Variants in DIP2C observed in about 807,000 individuals in gnomAD.
The protein encoded by DIP2C is DIP2 acetate--CoA ligase C (putative).
Under a neutral mutation model 192.4 loss-of-function variants are expected in DIP2C, and 33 were observed. The ratio of observed to expected loss-of-function variants is 0.17; its 90% confidence interval spans 0.13 to 0.23. DIP2C has a LOEUF of 0.23. Ranked by LOEUF, DIP2C falls within the 10% of genes least tolerant of loss-of-function variation. The pLI is 1.00. For synonymous variants in DIP2C, 979 were observed against 864.1 expected, an observed-to-expected ratio of 1.13 and a Z score of -2.33; for missense variants, 1,537 against 2,110.1, an observed-to-expected ratio of 0.73 and a Z score of 5.32.
intron 1 of DIP2C, among the ~76,000 whole-genome samples, chr10:535,068 C>A (rs1847622920): frequency 6.6e-6 from 1 of 152,186 alleles, no homozygotes; most frequent in Non-Finnish European, 1.5e-5. Flanking sequence ...CAGGAACTGA[C>A]CCCTCTCTCC....
chr10:284,142 G>C (rs1220676011), intron 34 of DIP2C, among the ~76,000 whole-genome samples: 1 of 152,198 alleles, frequency 6.6e-6, no homozygotes, highest in Non-Finnish European at 1.5e-5. Flanking sequence ...GTAGACTCTG[G>C]AGTGTTTGCT....
At chr10:578,518 C>G (rs1850330320) in intron 1 of DIP2C, among the ~76,000 whole-genome samples, 1 of 152,222 alleles carries the variant, frequency 6.6e-6, no homozygotes, top group African/African-American at 2.4e-5. Context: ...ATGTCAGGAA[C>G]ACACACATCA....
intron 34 of DIP2C, among the ~76,000 whole-genome samples, chr10:285,175 A>C (rs1955040053): frequency 6.8e-6 from 1 of 148,110 alleles, no homozygotes; most frequent in African/African-American, 2.5e-5. Flanking sequence ...AAAAAAACAC[A>C]AGGCCCAAGA....
At chr10:621,773 T>G (rs1397767031) in intron 1 of DIP2C, among the ~76,000 whole-genome samples, 1 of 152,130 alleles carries the variant, frequency 6.6e-6, no homozygotes, top group Non-Finnish European at 1.5e-5. Context: ...CATGCCAAGG[T>G]GCTGAGCACG....
In DIP2C at chr10:327,019, G is replaced by A. The variant is rs1194987676; in HGVS notation, c.3911C>T (p.Ala1304Val). 7 of 1,612,826 alleles carry A rather than the reference G, an allele frequency of 4.3e-6. No homozygotes were observed. The highest frequency in any genetic ancestry group is 2.2e-5 in the East Asian group (1 of 44,888). ...STSFGCRVNL[A>V]ICLQGTSGPD... ...GCCGAATCTCACCTGCAAGCAAATCGCCAGGTTCACCCTGCAACCGAACGA... is the reference window on the plus strand; with the variant it reads ...GCCGAATCTCACCTGCAAGCAAATCACCAGGTTCACCCTGCAACCGAACGA... The change falls in exon 31 of 37, where the codon GCG (alanine) becomes GTG (valine). Residue 1304 changes from alanine to valine, a missense_variant. Physicochemically the swap from Ala to Val is moderately conservative, Grantham distance 64 (BLOSUM62 0). Around this residue, in one of 4 missense-constraint regions of DIP2C, gnomAD observed 341 missense variants for 551.7 expected, o/e 0.62. Transcript: ENST00000280886.
At chr10:373,560 A>G (rs1464888456) in intron 17 of DIP2C, among the ~76,000 whole-genome samples, 1 of 152,138 alleles carries the variant, frequency 6.6e-6, no homozygotes, top group East Asian at 1.9e-4. Flanking sequence ...TCCACGGTCT[A>G]AAACCCCTTG....
intron 14 of DIP2C, among the ~76,000 whole-genome samples, chr10:386,780 G>A (rs888639657): frequency 6.6e-6 from 1 of 152,180 alleles, no homozygotes; most frequent in Non-Finnish European, 1.5e-5. Flanking sequence ...CCTCCAAAAG[G>A]TAAGAAGCTT....
At chr10:617,921 T>C (rs1159800695) in intron 1 of DIP2C, among the ~76,000 whole-genome samples, 1 of 123,404 alleles carries the variant, frequency 8.1e-6, no homozygotes, top group African/African-American at 3.6e-5. Context: ...AAATCCACTT[T>C]GACTTCCCTG....
rs980519521 is a variant in DIP2C, at chr10:666,158, T to C, written c.85+23336A>G. 1.3e-5 allele frequency: 2 copies of C among 152,166 alleles called. No homozygotes were observed. Among genetic ancestry groups the C allele is most frequent in the African/African-American group, 4.8e-5 (2 of 41,426 alleles). 9.4% of individuals were successfully genotyped at this position (152,166 alleles called of 1,614,324 possible). A position where few individuals can be genotyped will look rare whatever the true frequency, so the allele number is the denominator to read the frequency against. Reference sequence around the variant, plus strand: ...GAATAATACGAGTCCGGGTGACATATGTAATTGTGAGTTTTTGTTTTCTCC... The same window carrying C: ...GAATAATACGAGTCCGGGTGACATACGTAATTGTGAGTTTTTGTTTTCTCC... On this transcript the variant is annotated intron_variant, in intron 1 of 36. Coordinates refer to ENST00000280886, the MANE Select transcript of DIP2C (RefSeq NM_014974.3). This position sits in a 1 kb window ranked among gnomAD's most constrained non-coding sequence, Gnocchi z 4.1.
intron 1 of DIP2C, among the ~76,000 whole-genome samples, chr10:545,975 C>CACAA: frequency 6.6e-6 from 1 of 152,244 alleles, no homozygotes; most frequent in Admixed American, 6.5e-5. Flanking sequence ...TATTAAAGAT[C>CACAA]ACAAAAAGCT....
intron 1 of DIP2C, among the ~76,000 whole-genome samples, chr10:643,181 G>C (rs1391951008): frequency 7.1e-6 from 1 of 141,308 alleles, no homozygotes; most frequent in South Asian, 2.2e-4. Context: ...TCGCGCCACT[G>C]CACTCCAGCC....
chr10:606,812 CACATCTG>C lies in DIP2C; in HGVS notation c.85+82675_85+82681del, dbSNP rs370846201. Among the ~76,000 whole-genome samples, 751 of 152,304 alleles carry C rather than the reference CACATCTG, an allele frequency of 4.9e-3. 7 individuals carry two copies. Among genetic ancestry groups the C allele is most frequent in the African/African-American group, 0.012 (489 of 41,554 alleles). On this transcript the variant is annotated intron_variant, in intron 1 of 36. Coordinates refer to ENST00000280886, the MANE Select transcript of DIP2C (RefSeq NM_014974.3). ...CCCGAGACCAGGGAAGCTACACACG[CACATCTG>C]ACATCTGACATCTGGTGGGCGTCAG... is the stretch of plus-strand genomic sequence containing the variant.
rs1960202230 is a variant in DIP2C at position 366,327 on chromosome 10, G to A, written c.2216C>T (p.Ala739Val). 1.2e-6 allele frequency: 2 copies of A among 1,613,882 alleles called. No individual in the cohort carries two copies. Among genetic ancestry groups the A allele is most frequent in the Non-Finnish European group, 8.5e-7 (1 of 1,179,980 alleles). Reference sequence around the variant, plus strand: ...GAGGCCATAGTAGGACGTGCCCGTCGCAACTGCACACACACACAGCTCCCC... The same window carrying A: ...GAGGCCATAGTAGGACGTGCCCGTCACAACTGCACACACACACAGCTCCCC... ...EIGELCVCAV[A>V]TGTSYYGLSG... The change falls in exon 19 of 37, where the codon GCG becomes GTG. Residue 739 changes from alanine to valine, a missense_variant. Transcript: ENST00000280886.
At chr10:606,014 G>GC (rs1441718626) in intron 1 of DIP2C, among the ~76,000 whole-genome samples, 1 of 152,210 alleles carries the variant, frequency 6.6e-6, no homozygotes, top group Non-Finnish European at 1.5e-5. Flanking sequence ...ACTCTCTGCA[G>GC]CCCCACTCCA....
intron 8 of DIP2C, among the ~76,000 whole-genome samples, chr10:413,597 T>G (rs1404606528): frequency 6.6e-6 from 1 of 152,230 alleles, no homozygotes; most frequent in Non-Finnish European, 1.5e-5. Context: ...TTTATTTCTG[T>G]GCGGAAACAT....
intron 1 of DIP2C, among the ~76,000 whole-genome samples, chr10:511,613 G>A (rs568834262): frequency 2.3e-5 from 3 of 133,094 alleles, no homozygotes; most frequent in African/African-American, 8.5e-5. Flanking sequence ...CGTGGTGGGA[G>A]GTGGATCCCG....
chr10:427,535 AC>A (rs1966670237), intron 4 of DIP2C, among the ~76,000 whole-genome samples: 1 of 152,198 alleles, frequency 6.6e-6, no homozygotes, highest in Non-Finnish European at 1.5e-5. Context: ...CGTATAAGGC[AC>A]CTATAACCCA....
intron 1 of DIP2C, among the ~76,000 whole-genome samples, chr10:501,448 T>G (rs1369448153): frequency 6.6e-6 from 1 of 152,216 alleles, no homozygotes; most frequent in Non-Finnish European, 1.5e-5. Context: ...AACCTGTTTA[T>G]GTAAGCACAT....
rs887084543 is a variant in DIP2C, at chr10:485,324, T to G, written c.157+1135A>C. On this transcript the variant is annotated intron_variant, in intron 2 of 36. Transcript: ENST00000280886. ...GCCCCATGGCTCTGCGAGAAGAGAA[T>G]GAGGGAGGGGGCGCAGGCCATCAGG... is the stretch of plus-strand genomic sequence containing the variant. 2.0e-5 allele frequency among the ~76,000 whole-genome samples: 3 copies of G among 152,134 alleles called. No individual in the cohort carries two copies. In the East Asian group the frequency reaches 5.8e-4, roughly 29 times the overall value.
Sources: gnomAD v4.1 joint callset for allele counts (sites outside exome capture counted in the v4.1 genomes callset) on GRCh38, gnomAD v4.1.1 for gene constraint, gnomAD v4.1.1 regional missense constraint, Gnocchi (gnomAD v3.1) non-coding constraint, MANE v1.5 for transcripts, NCBI Gene and HGNC (gene_info 2026-07-23, HGNC 2026-07-21) for gene names.